ACSS3: variants seen among roughly 807,000 people sequenced by gnomAD.
ACSS3 encodes acyl-CoA synthetase short chain family member 3, also known as acyl-CoA synthetase short-chain family member 3, mitochondrial.
Under a neutral mutation model 84.2 loss-of-function variants are expected in ACSS3, and 64 were observed. The observed-to-expected ratio is 0.76, with a 90% CI of 0.62 to 0.94. The LOEUF is 0.94. ACSS3 is among the 40% of genes least tolerant of loss of function. The pLI, the probability that ACSS3 is intolerant of heterozygous loss-of-function variation, is 0.00. For synonymous variants in ACSS3, 317 were observed against 310.1 expected (o/e 1.02, Z -0.23); for missense variants, 815 against 867.6 (o/e 0.94, Z 0.76).
intron 2 of ACSS3, among the ~76,000 whole-genome samples, chr12:81,131,492 T>C (rs1481243377): frequency 2.0e-5 from 3 of 152,238 alleles, no homozygotes; most frequent in Admixed American, 2.0e-4. Context: ...CCTAAGACTC[T>C]GCTGAAGTTG....
chr12:81,197,681 A>G (rs138387161), intron 8 of ACSS3, among the ~76,000 whole-genome samples: 1 of 152,304 alleles, frequency 6.6e-6, no homozygotes, highest in East Asian at 1.9e-4. Context: ...ATCCTTCAGA[A>G]CAGACACGTT....
intron 2 of ACSS3, among the ~76,000 whole-genome samples, chr12:81,122,819 G>C (rs1413852739): frequency 6.6e-6 from 1 of 152,056 alleles, no homozygotes; most frequent in Non-Finnish European, 1.5e-5. Flanking sequence ...TTTTTTATAT[G>C]TAATAAAGCT....
rs2034345332 is a variant in ACSS3, at chr12:81,257,504, T to C, written c.*2582T>C. On this transcript the variant is annotated 3_prime_UTR_variant, in exon 16 of 16. Coordinates refer to ENST00000548058, the MANE Select transcript of ACSS3 (RefSeq NM_024560.4). ...ACTTGCTAGAATAAATTCTGTGAGG[T>C]CTTCGTTTGGTATTTTCATAGGATT... 1 of 152,138 alleles carries C rather than the reference T, an allele frequency of 6.6e-6. No individual in the cohort carries two copies. Among genetic ancestry groups the C allele is most frequent in the Non-Finnish European group, 1.5e-5 (1 of 68,002 alleles). 9.4% of individuals were successfully genotyped at this position (152,138 alleles called of 1,614,324 possible).
At chr12:81,187,657 G>GA (rs762080995) in intron 8 of ACSS3, among the ~76,000 whole-genome samples, 3 of 151,376 alleles carry the variant, frequency 2.0e-5, no homozygotes, top group Non-Finnish European at 4.4e-5. Flanking sequence ...CCCGTTTTGT[G>GA]AAAAAATAAA....
chr12:81,151,112 T>C (rs980907808), intron 5 of ACSS3, among the ~76,000 whole-genome samples: 3 of 152,230 alleles, frequency 2.0e-5, no homozygotes, highest in African/African-American at 7.2e-5. Context: ...TTATACCCAG[T>C]GTTCAAATAT....
At chr12:81,140,137 A>G (rs1270899832) in intron 4 of ACSS3, among the ~76,000 whole-genome samples, 1 of 152,220 alleles carries the variant, frequency 6.6e-6, no homozygotes, top group African/African-American at 2.4e-5. Flanking sequence ...ATTAATTTGC[A>G]TGCAATTGTC....
At chr12:81,208,741 G>C (rs1014986280) in intron 9 of ACSS3, among the ~76,000 whole-genome samples, 2 of 151,520 alleles carry the variant, frequency 1.3e-5, no homozygotes, top group Non-Finnish European at 3.0e-5. Context: ...TCATCCCGCT[G>C]TTTACTTCTT....
intron 11 of ACSS3, among the ~76,000 whole-genome samples, chr12:81,222,744 T>C (rs2033151510): frequency 6.6e-6 from 1 of 152,018 alleles, no homozygotes; most frequent in Admixed American, 6.6e-5. Flanking sequence ...TGGGGACCCC[T>C]TGACTAGAAG....
intron 1 of ACSS3, among the ~76,000 whole-genome samples, chr12:81,086,064 T>A (rs17007995): frequency 0.06 from 9,062 of 152,242 alleles, 669 homozygotes; most frequent in African/African-American, 0.18. Flanking sequence ...GAACTTTGGC[T>A]CTTTGGCAAA....
chr12:81,259,942 T>C lies in ACSS3; in HGVS notation c.*5020T>C. 1 of 280,402 alleles carries C rather than the reference T, an allele frequency of 3.6e-6. No homozygotes were observed. The highest frequency in any genetic ancestry group is 6.6e-6 in the Non-Finnish European group (1 of 151,524). The allele number at this position is 280,402 out of a possible 1,614,324, so 17.4% of individuals were successfully genotyped here. A position where few individuals can be genotyped will look rare whatever the true frequency, so the allele number is the denominator to read the frequency against. ...TAGTTATGCAAAATGTTAGCATGCC[T>C]TCTGAAAAATTTACAACTTGCTAAT... On this transcript the variant is annotated 3_prime_UTR_variant, in exon 16 of 16. Coordinates refer to ENST00000548058, the MANE Select transcript of ACSS3 (RefSeq NM_024560.4).
At chr12:81,214,301 C>A (rs1349929566) in intron 9 of ACSS3, among the ~76,000 whole-genome samples, 3 of 152,112 alleles carry the variant, frequency 2.0e-5, no homozygotes. Flanking sequence ...GCTGGAATTA[C>A]AGGCATGAGC....
intron 2 of ACSS3, among the ~76,000 whole-genome samples, chr12:81,120,741 T>C (rs1370314379): frequency 6.6e-6 from 1 of 152,190 alleles, no homozygotes; most frequent in Admixed American, 6.6e-5. Flanking sequence ...TAAATAAATC[T>C]GAATAAATCA....
intron 3 of ACSS3, 27 bp from the exon 4 acceptor site, chr12:81,139,104 C>T (rs775590054): frequency 1.2e-6 from 2 of 1,603,500 alleles, no homozygotes; most frequent in South Asian, 1.1e-5. Flanking sequence ...TTAAAGCTTT[C>T]TCTCCATTAT....
chr12:81,091,795 G>T (rs962134256), intron 1 of ACSS3, among the ~76,000 whole-genome samples: 3 of 152,066 alleles, frequency 2.0e-5, no homozygotes, highest in Non-Finnish European at 2.9e-5. Flanking sequence ...GTATGTGTAT[G>T]TTAAAATGTT....
chr12:81,143,100 T>G lies in ACSS3; in HGVS notation c.781-7T>G. Reference sequence around the variant, plus strand: ...ACAGTACATATTCTTATATTTTTGCTGTGTAGGAGGCGGTTCCTTTGGCTC... The same window carrying G: ...ACAGTACATATTCTTATATTTTTGCGGTGTAGGAGGCGGTTCCTTTGGCTC... On this transcript the variant is annotated splice_region_variant and splice_polypyrimidine_tract_variant and intron_variant, in intron 4 of 15. Coordinates refer to ENST00000548058, the MANE Select transcript of ACSS3 (RefSeq NM_024560.4). 6.2e-7 allele frequency: 1 copy of G among 1,608,016 alleles called. No individual in the cohort carries two copies. Among genetic ancestry groups the G allele is most frequent in the Non-Finnish European group, 8.5e-7 (1 of 1,176,374 alleles).
chr12:81,107,511 C>CATATATAT lies in ACSS3; in HGVS notation c.312-2007_312-2000dup, dbSNP rs566270568. Among the ~76,000 whole-genome samples, 34 of 38,812 alleles carry CATATATAT rather than the reference C, an allele frequency of 8.8e-4. 1 individual carries two copies. The highest frequency in any genetic ancestry group is 1.0e-3 in the African/African-American group (12 of 11,730). The allele number at this position is 38,812 out of a possible 152,430, so 25.5% of individuals were successfully genotyped here. ...TTTTTTTTTCAGGTACAAATATATA[C>CATATATAT]ATATATATATATATATATATATATA... On this transcript the variant is annotated intron_variant, in intron 1 of 15. Coordinates refer to ENST00000548058, the MANE Select transcript of ACSS3 (RefSeq NM_024560.4).
At chr12:81,230,225 AG>A (rs2033412420) in intron 11 of ACSS3, among the ~76,000 whole-genome samples, 1 of 151,866 alleles carries the variant, frequency 6.6e-6, no homozygotes. Context: ...AGGATCTAAA[AG>A]GTTTCTGTGT....
intron 1 of ACSS3, among the ~76,000 whole-genome samples, chr12:81,099,433 A>G (rs1882327734): frequency 6.6e-6 from 1 of 152,232 alleles, no homozygotes; most frequent in South Asian, 2.1e-4. Context: ...GAGAACACAG[A>G]TAAAGTTGCA....
intron 9 of ACSS3, among the ~76,000 whole-genome samples, chr12:81,208,737 C>T (rs1056182735): frequency 2.8e-4 from 42 of 151,306 alleles, no homozygotes; most frequent in African/African-American, 9.4e-4. Context: ...ATTTTCATCC[C>T]GCTGTTTACT....
Sources: gnomAD v4.1 joint callset for allele counts (sites outside exome capture counted in the v4.1 genomes callset) on GRCh38, gnomAD v4.1.1 for gene constraint, MANE v1.5 for transcripts, NCBI Gene and HGNC (gene_info 2026-07-23, HGNC 2026-07-21) for gene names.